Variants in TMEM230 observed in about 807,000 individuals in gnomAD.
TMEM230 encodes the protein transmembrane protein 230.
In TMEM230, 10 loss-of-function variants were observed where a neutral mutation model predicts 15.8. The observed-to-expected ratio is 0.63, with a 90% CI of 0.39 to 1.07. The LOEUF (loss-of-function observed/expected upper bound fraction) is 1.07. Ranked by LOEUF, TMEM230 falls within the 50% of genes least tolerant of loss-of-function variation. The pLI is 0.01. For synonymous variants in TMEM230, 67 were observed against 76.9 expected (o/e 0.87, Z 0.68); for missense variants, 165 against 193.3 (o/e 0.85, Z 0.87).
chr20:5,088,316 A>G (rs2089412889), intron 3 of TMEM230, among the ~76,000 whole-genome samples: 1 of 151,754 alleles, frequency 6.6e-6, no homozygotes. Flanking sequence ...CTCAAAAAAA[A>G]AAAAAAAAAA....
rs1194923076 is a variant in TMEM230 at position 5,113,067 on chromosome 20, C to A, written c.-39G>T. On this transcript the variant is annotated 5_prime_UTR_variant, in exon 1 of 5. Coordinates refer to ENST00000342308, the MANE Select transcript of TMEM230 (RefSeq NM_001009923.2). ...TAAGTGCCACTCAGCCGGCCCCAGG[C>A]GGGATCAGTGCGCCGGAAGTGGCGT... 22 of 1,539,786 alleles carry A rather than the reference C, an allele frequency of 1.4e-5. No individual in the cohort carries two copies. Among genetic ancestry groups the A allele is most frequent in the East Asian group, 4.9e-5 (2 of 40,862 alleles).
At position 5,107,137 on chromosome 20, in the gene TMEM230, A is replaced by T. The variant is rs146635418; in HGVS notation, c.289-827T>A. ...AGCAACATGGTGAAACCTCGTCTCT[A>T]CAAAAAATACAAAAATTAGCCGGGC... On this transcript the variant is annotated intron_variant, in intron 3 of 4. Coordinates refer to ENST00000342308, the MANE Select transcript of TMEM230 (RefSeq NM_001009923.2). 2.8e-4 allele frequency among the ~76,000 whole-genome samples: 42 copies of T among 152,290 alleles called. No homozygotes were observed. In the East Asian group the frequency reaches 7.8e-3, roughly 28 times the overall value.
chr20:5,080,561 GTCTT>G (rs1355403534), intron 3 of TMEM230, among the ~76,000 whole-genome samples: 4 of 151,932 alleles, frequency 2.6e-5, no homozygotes, highest in Non-Finnish European at 5.9e-5. Flanking sequence ...AGTTTCTAAA[GTCTT>G]TCTGTCTTTT....
intron 3 of TMEM230, among the ~76,000 whole-genome samples, chr20:5,072,781 G>A (rs1003041924): frequency 2.7e-5 from 4 of 150,176 alleles, no homozygotes; most frequent in Non-Finnish European, 5.9e-5. Context: ...CCTGGGAGGC[G>A]GAGGTTGCAG....
chr20:5,063,098 G>C, the TMEM230 span, among the ~76,000 whole-genome samples: 1 of 151,884 alleles, frequency 6.6e-6, no homozygotes, highest in Non-Finnish European at 1.5e-5. Flanking sequence ...GTCCTACTGT[G>C]AATGTCTAAC....
At chr20:5,109,984 G>A (rs2090247633) in intron 2 of TMEM230, among the ~76,000 whole-genome samples, 1 of 152,198 alleles carries the variant, frequency 6.6e-6, no homozygotes, top group Non-Finnish European at 1.5e-5. Flanking sequence ...CCCCTTGATA[G>A]AGATCAACCT....
intron 3 of TMEM230, among the ~76,000 whole-genome samples, chr20:5,076,356 A>G (rs370284635): frequency 6.6e-6 from 1 of 152,062 alleles, no homozygotes; most frequent in Admixed American, 6.6e-5. Flanking sequence ...CCTGGCCAAC[A>G]TGGCGAAACC....
At position 5,101,082 on chromosome 20, in the gene TMEM230, GATT is replaced by G. The variant is rs2089841984; in HGVS notation, c.412-154_412-152del. ...CCACCAAGGGAAAAGGTTTCCTCCT[GATT>G]ATAAATTGAAGACAAACTACAAAAT... is the stretch of plus-strand genomic sequence containing the variant. On this transcript the variant is annotated intron_variant, in intron 4 of 4. Transcript: ENST00000342308. 11 of 978,734 alleles carry G rather than the reference GATT, an allele frequency of 1.1e-5. 1 individual carries two copies. The South Asian group carries it at 2.7e-4, about 24-fold the overall frequency. 60.6% of individuals were successfully genotyped at this position (978,734 alleles called of 1,614,324 possible). A position where few individuals can be genotyped will look rare whatever the true frequency, so the allele number is the denominator to read the frequency against.
chr20:5,110,824 T>C (rs923198859), intron 2 of TMEM230, among the ~76,000 whole-genome samples: 1 of 152,212 alleles, frequency 6.6e-6, no homozygotes, highest in Non-Finnish European at 1.5e-5. Flanking sequence ...ATCATGGCTA[T>C]TATGTCACTA....
chr20:5,109,235 C>T, intron 3 of TMEM230, 97 bp downstream of exon 2: 1 of 948,402 alleles, frequency 1.1e-6, no homozygotes, highest in Admixed American at 2.4e-5. Context: ...CCTTCTAATC[C>T]CCAAGGACAG....
At chr20:5,071,310 A>T (rs890296932) in intron 3 of TMEM230, among the ~76,000 whole-genome samples, 8 of 152,220 alleles carry the variant, frequency 5.3e-5, no homozygotes, top group African/African-American at 1.9e-4. Context: ...GAAAGATGGG[A>T]GCATGAATAT....
chr20:5,074,380 C>G (rs916101546), intron 3 of TMEM230, among the ~76,000 whole-genome samples: 2 of 149,790 alleles, frequency 1.3e-5, no homozygotes, highest in African/African-American at 5.1e-5. Flanking sequence ...TACTAGATAC[C>G]CCTTATCTAA....
chr20:5,112,917 C>G, intron 1 of TMEM230, 44 bp downstream of exon 1: 3 of 1,549,174 alleles, frequency 1.9e-6, no homozygotes, highest in Non-Finnish European at 2.6e-6. Flanking sequence ...GCCCAGAGCC[C>G]GAGAGGACGG....
Position 5,100,859 on chromosome 20 carries a change from T to A in TMEM230, c.484A>T (p.Ile162Phe). ...TAGCCTTTGGATGCATAGTAAGCGATGCGCAGGTGGTAAAATCCGGGTAGG... is the reference window on the plus strand; with the variant it reads ...TAGCCTTTGGATGCATAGTAAGCGAAGCGCAGGTGGTAAAATCCGGGTAGG... The change falls in exon 5 of 5, where the codon ATC becomes TTC. Residue 162 changes from isoleucine (I) to phenylalanine (F), a missense_variant. Transcript: ENST00000342308. The A allele has an allele frequency of 6.2e-7, 1 of 1,614,192 alleles. No individual in the cohort carries two copies. The highest frequency in any genetic ancestry group is 2.2e-5 in the East Asian group (1 of 44,888).
intron 3 of TMEM230, among the ~76,000 whole-genome samples, chr20:5,079,053 A>G (rs2089097321): frequency 6.6e-6 from 1 of 152,156 alleles, no homozygotes; most frequent in African/African-American, 2.4e-5. Flanking sequence ...AATTTTGCTG[A>G]TATTTGTGAC....
the TMEM230 span, among the ~76,000 whole-genome samples, chr20:5,062,584 T>C: frequency 2.0e-5 from 3 of 151,894 alleles, no homozygotes; most frequent in Non-Finnish European, 4.4e-5. Context: ...GGCGAAACCC[T>C]GTCTCTACTA....
intron 3 of TMEM230, among the ~76,000 whole-genome samples, chr20:5,073,868 A>G (rs1293146072): frequency 1.3e-5 from 2 of 152,212 alleles, no homozygotes; most frequent in African/African-American, 4.8e-5. Flanking sequence ...GGGAATTTAT[A>G]AAGAATAGAG....
intron 3 of TMEM230, among the ~76,000 whole-genome samples, chr20:5,108,258 A>T (rs1448397694): frequency 6.6e-6 from 1 of 152,140 alleles, no homozygotes; most frequent in Non-Finnish European, 1.5e-5. Context: ...TGTCTCTACT[A>T]AAAATACAAA....
downstream of TMEM230, among the ~76,000 whole-genome samples, chr20:5,063,812 T>G (rs1320116827): frequency 1.2e-5 from 1 of 81,482 alleles, no homozygotes; most frequent in East Asian, 4.4e-4. Flanking sequence ...TTTGTTAACT[T>G]GGAAAAATTT....
Sources: allele counts gnomAD v4.1 joint callset (sites outside exome capture counted in the v4.1 genomes callset), GRCh38; gene constraint gnomAD v4.1.1; transcripts MANE v1.5; gene names NCBI Gene and HGNC (gene_info 2026-07-23, HGNC 2026-07-21).